Variants in SUCLG2 observed in about 807,000 individuals in gnomAD.
SUCLG2 encodes the protein succinate-CoA ligase GDP-forming subunit beta.
In SUCLG2, 42 loss-of-function variants were observed where a neutral mutation model predicts 47.9. The ratio of observed to expected loss-of-function variants is 0.88; its 90% CI spans 0.69 to 1.14. The LOEUF (loss-of-function observed/expected upper bound fraction) is 1.14, where lower values mean the gene tolerates loss of function less well. Among genes scored for constraint, SUCLG2 ranks in the 50% most tolerant of loss-of-function variants. The pLI is 0.00. For synonymous variants in SUCLG2, 195 were observed against 197.3 expected, an observed-to-expected ratio of 0.99 and a Z score of 0.10; for missense variants, 571 against 525.9, an observed-to-expected ratio of 1.09 and a Z score of -0.84.
At chr3:67,465,445 G>A (rs1019438772) in intron 9 of SUCLG2, among the ~76,000 whole-genome samples, 2 of 152,058 alleles carry the variant, frequency 1.3e-5, no homozygotes, top group Admixed American at 6.5e-5. Context: ...TACATCATTC[G>A]GGTCTCCACT....
At chr3:67,555,314 T>C (rs1707129297) in intron 2 of SUCLG2, among the ~76,000 whole-genome samples, 1 of 152,170 alleles carries the variant, frequency 6.6e-6, no homozygotes, top group African/African-American at 2.4e-5. Context: ...TAAATGTACA[T>C]AGGGAGGGTA....
intron 9 of SUCLG2, among the ~76,000 whole-genome samples, chr3:67,459,975 C>G (rs1456033092): frequency 6.6e-6 from 1 of 152,200 alleles, no homozygotes; most frequent in Non-Finnish European, 1.5e-5. Flanking sequence ...TAAACACAGC[C>G]TTGCCAGAGG....
chr3:67,496,149 A>T (rs1219472425), intron 8 of SUCLG2, among the ~76,000 whole-genome samples: 2 of 152,240 alleles, frequency 1.3e-5, no homozygotes, highest in Admixed American at 6.5e-5. Context: ...GAAACAAAAA[A>T]GACTTAGGAA....
At chr3:67,426,022 A>T (rs1291839875) in intron 9 of SUCLG2, among the ~76,000 whole-genome samples, 1 of 152,200 alleles carries the variant, frequency 6.6e-6, no homozygotes, top group Non-Finnish European at 1.5e-5. Flanking sequence ...TCAATTACCA[A>T]CTGTCTCACT....
chr3:67,526,027 C>T (rs1158937383), intron 4 of SUCLG2, among the ~76,000 whole-genome samples: 1 of 152,158 alleles, frequency 6.6e-6, no homozygotes, highest in Non-Finnish European at 1.5e-5. Flanking sequence ...TTATAAAGGA[C>T]AAAAATATAT....
At chr3:67,402,322 A>G (rs577431810) in intron 9 of SUCLG2, among the ~76,000 whole-genome samples, 1 of 76,710 alleles carries the variant, frequency 1.3e-5, no homozygotes, top group East Asian at 3.4e-4. Context: ...AAGTAAGAAA[A>G]CCTTTTTCAG....
chr3:67,559,654 T>G (rs896825941), intron 2 of SUCLG2, among the ~76,000 whole-genome samples: 12 of 152,158 alleles, frequency 7.9e-5, no homozygotes, highest in Non-Finnish European at 1.6e-4. Context: ...ATATGTTTAC[T>G]GTAAAGAAAA....
At chr3:67,400,904 C>G in intron 9 of SUCLG2, 53 bp from the exon 10 acceptor site, 1 of 1,603,114 alleles carries the variant, frequency 6.2e-7, no homozygotes, top group Non-Finnish European at 8.5e-7. Flanking sequence ...CCAACAGTCT[C>G]AAAAATAACT....
intron 9 of SUCLG2, among the ~76,000 whole-genome samples, chr3:67,417,395 C>T (rs1452417411): frequency 6.6e-6 from 1 of 152,204 alleles, no homozygotes; most frequent in African/African-American, 2.4e-5. Context: ...ATTTTCTTCC[C>T]TTAAACAACT....
chr3:67,436,020 T>C (rs1703610862), intron 9 of SUCLG2, among the ~76,000 whole-genome samples: 1 of 152,196 alleles, frequency 6.6e-6, no homozygotes, highest in Non-Finnish European at 1.5e-5. Context: ...AATTTGGTAC[T>C]TGGGAAACTA....
chr3:67,520,964 G>C (rs748325346), intron 4 of SUCLG2, among the ~76,000 whole-genome samples: 2 of 152,070 alleles, frequency 1.3e-5, no homozygotes, highest in Non-Finnish European at 2.9e-5. Flanking sequence ...ATTTTAATTT[G>C]AGATATTAAC....
At chr3:67,631,912 G>A (rs768384653) in intron 1 of SUCLG2, among the ~76,000 whole-genome samples, 21 of 152,156 alleles carry the variant, frequency 1.4e-4, no homozygotes, top group Non-Finnish European at 2.1e-4. Context: ...AATGACCCTC[G>A]ATCTAAAACT....
At chr3:67,600,169 A>T (rs1414744545) in intron 2 of SUCLG2, among the ~76,000 whole-genome samples, 1 of 152,226 alleles carries the variant, frequency 6.6e-6, no homozygotes, top group Non-Finnish European at 1.5e-5. Flanking sequence ...ACAAGTCATT[A>T]TATATTCATT....
intron 1 of SUCLG2, among the ~76,000 whole-genome samples, chr3:67,617,555 A>C (rs1342531403): frequency 6.6e-6 from 1 of 152,138 alleles, no homozygotes; most frequent in East Asian, 1.9e-4. Flanking sequence ...TAGCACTGCA[A>C]TACTCTTCAC....
intron 9 of SUCLG2, among the ~76,000 whole-genome samples, chr3:67,454,998 C>T (rs1305411414): frequency 6.6e-6 from 1 of 151,234 alleles, no homozygotes; most frequent in Non-Finnish European, 1.5e-5. Context: ...GAACAATTCC[C>T]CTATTGTCAT....
intron 2 of SUCLG2, among the ~76,000 whole-genome samples, chr3:67,561,353 T>C (rs1707303275): frequency 6.6e-6 from 1 of 152,118 alleles, no homozygotes; most frequent in South Asian, 2.1e-4. Flanking sequence ...GTCTTTAACA[T>C]CTTTTGCTTT....
intron 9 of SUCLG2, among the ~76,000 whole-genome samples, chr3:67,434,651 A>G (rs1559525189): frequency 2.0e-5 from 3 of 152,274 alleles, no homozygotes; most frequent in Admixed American, 2.0e-4. Context: ...GAAGGCCAGC[A>G]GTAATATTTT....
chr3:67,624,237 C>G (rs1343194340), intron 1 of SUCLG2, among the ~76,000 whole-genome samples: 1 of 152,232 alleles, frequency 6.6e-6, no homozygotes, highest in East Asian at 1.9e-4. Context: ...GCCTGTCACA[C>G]TGGCTTGCCA....
At chr3:67,598,341 G>C (rs1708340801) in intron 2 of SUCLG2, among the ~76,000 whole-genome samples, 1 of 152,138 alleles carries the variant, frequency 6.6e-6, no homozygotes, top group South Asian at 2.1e-4. Context: ...TGCTATCAAA[G>C]AGTCATCCTT....
Sources: allele counts gnomAD v4.1 joint callset (sites outside exome capture counted in the v4.1 genomes callset), GRCh38; gene constraint gnomAD v4.1.1; transcripts MANE v1.5; gene names NCBI Gene and HGNC (gene_info 2026-07-23, HGNC 2026-07-21).